DOK5: variants seen among roughly 807,000 people sequenced by gnomAD.
DOK5 encodes downstream of tyrosine kinase 5.
A neutral mutation model predicts 43.3 loss-of-function variants in DOK5; 27 were observed. The observed-to-expected ratio is 0.62, with a 90% CI of 0.46 to 0.86. DOK5 has a LOEUF of 0.86. Ranked by LOEUF, DOK5 falls within the 40% of genes least tolerant of loss-of-function variation. The probability of loss-of-function intolerance (pLI) is 0.00; values close to 1 mark genes in which losing one functional copy is unlikely to be tolerated. For missense variants in DOK5, 373 were observed against 392.9 expected (o/e 0.95, Z 0.43); for synonymous variants, 146 against 140.1 (o/e 1.04, Z -0.30).
chr20:54,579,256 C>G (rs1985554559), intron 2 of DOK5, among the ~76,000 whole-genome samples: 1 of 152,014 alleles, frequency 6.6e-6, no homozygotes, highest in African/African-American at 2.4e-5. Context: ...AACAGTATCA[C>G]TTGCCATGAA....
chr20:54,478,020 A>C (rs1253411636), intron 1 of DOK5, among the ~76,000 whole-genome samples: 1 of 152,234 alleles, frequency 6.6e-6, no homozygotes, highest in Admixed American at 6.5e-5. Flanking sequence ...TTTGGATGCT[A>C]ATGAGCAGTA....
Position 54,589,355 on chromosome 20 carries a change from T to C in DOK5, c.409+549T>C, listed in dbSNP as rs979737256. Among the ~76,000 whole-genome samples the C allele has an allele frequency of 6.6e-5, 10 of 152,350 alleles. 1 individual carries two copies. Among genetic ancestry groups the C allele is most frequent in the East Asian group, 3.9e-4 (2 of 5,192 alleles). On this transcript the variant is annotated intron_variant, in intron 4 of 7. Transcript: ENST00000262593. ...TGTTTTCAATATAATTCAAACTTTA[T>C]GACTATTTCACCAAATTTAAACCCA...
intron 6 of DOK5, among the ~76,000 whole-genome samples, chr20:54,616,521 G>A (rs1340810283): frequency 1.3e-5 from 2 of 152,200 alleles, no homozygotes; most frequent in African/African-American, 2.4e-5. Flanking sequence ...CTGGGACCTT[G>A]CTACTGATGC....
At chr20:54,634,789 G>T in intron 6 of DOK5, among the ~76,000 whole-genome samples, 1 of 149,530 alleles carries the variant, frequency 6.7e-6, no homozygotes. Context: ...CAGGTTTATT[G>T]AGATATGAAC....
chr20:54,500,841 G>A (rs1414595212), intron 1 of DOK5, among the ~76,000 whole-genome samples: 1 of 152,076 alleles, frequency 6.6e-6, no homozygotes, highest in Non-Finnish European at 1.5e-5. Flanking sequence ...GATTACAGGC[G>A]TGAGCCAACC....
At chr20:54,511,773 A>G (rs1008191842) in intron 1 of DOK5, among the ~76,000 whole-genome samples, 4 of 152,130 alleles carry the variant, frequency 2.6e-5, no homozygotes, top group African/African-American at 9.7e-5. Context: ...TCATTCTCAT[A>G]CAGTCTCTTC....
chr20:54,479,989 C>T (rs1294616040), intron 1 of DOK5, among the ~76,000 whole-genome samples: 2 of 152,022 alleles, frequency 1.3e-5, no homozygotes, highest in Non-Finnish European at 2.9e-5. Flanking sequence ...TCCACTGCTA[C>T]GACCCTGGTC....
intron 6 of DOK5, among the ~76,000 whole-genome samples, chr20:54,634,000 C>T (rs577318966): frequency 1.3e-5 from 2 of 152,204 alleles, no homozygotes; most frequent in Admixed American, 6.5e-5. Flanking sequence ...CTAAGACCTG[C>T]CACTGCTCTG....
intron 7 of DOK5, among the ~76,000 whole-genome samples, chr20:54,648,491 C>T (rs1979545871): frequency 6.6e-6 from 1 of 152,152 alleles, no homozygotes; most frequent in East Asian, 1.9e-4. Flanking sequence ...GCCCCTGCAA[C>T]ACCCCAAGAC....
At chr20:54,512,337 C>T (rs1460871062) in intron 1 of DOK5, among the ~76,000 whole-genome samples, 2 of 152,190 alleles carry the variant, frequency 1.3e-5, no homozygotes, top group African/African-American at 2.4e-5. Flanking sequence ...ATAAATATTG[C>T]AATACATTGT....
intron 2 of DOK5, among the ~76,000 whole-genome samples, chr20:54,571,593 G>A (rs1246160772): frequency 6.6e-6 from 1 of 151,818 alleles, no homozygotes; most frequent in Non-Finnish European, 1.5e-5. Context: ...AATTCTGACA[G>A]CCAAAAATAT....
At chr20:54,615,540 A>G (rs916501367) in intron 6 of DOK5, among the ~76,000 whole-genome samples, 20 of 152,242 alleles carry the variant, frequency 1.3e-4, no homozygotes, top group African/African-American at 4.8e-4. Flanking sequence ...GAGATTTTAA[A>G]ATGCCACGCA....
At position 54,643,509 on chromosome 20, in the gene DOK5, C is replaced by G; in HGVS notation, c.787C>G (p.Leu263Val). Residue 263 changes from leucine to valine, a missense_variant, in exon 7 of 8, where the codon CTG (leucine) becomes GTG (valine). Coordinates refer to ENST00000262593, the MANE Select transcript of DOK5 (RefSeq NM_018431.5). ...RAASLSTMVP[L>V]PRSAYWQHIT... The stretch of plus-strand genomic sequence containing the variant: ...CGCCTCGCTGAGCACCATGGTGCCC[C>G]TGCCTCGCAGCGCCTACTGGCAGCA... 1 of 1,613,684 alleles carries G rather than the reference C, an allele frequency of 6.2e-7. No individual in the cohort carries two copies. The highest frequency in any genetic ancestry group is 1.3e-5 in the African/African-American group (1 of 75,060).
chr20:54,641,338 CT>C (rs1468437648), intron 6 of DOK5, among the ~76,000 whole-genome samples: 6 of 151,998 alleles, frequency 3.9e-5, no homozygotes, highest in Non-Finnish European at 7.4e-5. Context: ...ATATTATAAT[CT>C]TTTTTTCAAG....
intron 1 of DOK5, among the ~76,000 whole-genome samples, chr20:54,482,433 A>G (rs1981756099): frequency 6.6e-6 from 1 of 152,212 alleles, no homozygotes; most frequent in Non-Finnish European, 1.5e-5. Flanking sequence ...TGCATTTTTT[A>G]TGGTACCATG....
chr20:54,596,011 G>A (rs772734251), intron 5 of DOK5, among the ~76,000 whole-genome samples: 3 of 152,172 alleles, frequency 2.0e-5, no homozygotes, highest in Admixed American at 6.5e-5. Flanking sequence ...AGTATCTTTG[G>A]TATTCTATTA....
chr20:54,497,199 G>A (rs1478777002), intron 1 of DOK5, among the ~76,000 whole-genome samples: 6 of 152,122 alleles, frequency 3.9e-5, no homozygotes, highest in South Asian at 2.1e-4. Context: ...CTGAAGTTGC[G>A]GACCATGGCT....
chr20:54,495,809 G>A (rs1982368484), intron 1 of DOK5, among the ~76,000 whole-genome samples: 1 of 152,122 alleles, frequency 6.6e-6, no homozygotes, highest in Non-Finnish European at 1.5e-5. Context: ...TTGAACCCGG[G>A]AGTCGGAGGT....
chr20:54,557,901 C>T (rs184142943), intron 2 of DOK5, among the ~76,000 whole-genome samples: 3 of 152,300 alleles, frequency 2.0e-5, no homozygotes, highest in Admixed American at 2.0e-4. Context: ...TTGTCTTCCC[C>T]TCTTCCCCGC....
Sources: allele counts gnomAD v4.1 joint callset (sites outside exome capture counted in the v4.1 genomes callset), GRCh38; gene constraint gnomAD v4.1.1; transcripts MANE v1.5; gene names NCBI Gene and HGNC (gene_info 2026-07-23, HGNC 2026-07-21).